Variants in PLXNA4 observed in about 807,000 individuals in gnomAD.
PLXNA4 encodes plexin A4.
In PLXNA4, 44 loss-of-function variants were observed where a neutral mutation model predicts 191.8. That is an observed-to-expected ratio of 0.23 (90% CI 0.18 to 0.29). PLXNA4 has a LOEUF of 0.29. PLXNA4 is among the 10% of genes least tolerant of loss of function. The pLI is 1.00. For missense variants in PLXNA4, 1,800 were observed against 2,488.8 expected (o/e 0.72, Z 5.89); for synonymous variants, 1,082 against 1,009.5 (o/e 1.07, Z -1.36).
rs1798214413 is a variant in PLXNA4, at chr7:132,223,590, C to T, written c.2034G>A (p.Arg678=). 6.2e-7 allele frequency: 1 copy of T among 1,613,830 alleles called. No homozygotes were observed. The highest frequency in any genetic ancestry group is 8.5e-7 in the Non-Finnish European group (1 of 1,179,920). The change falls in exon 9 of 32, where the codon CGG becomes CGA. Residue 678 remains arginine, a synonymous_variant. Coordinates refer to ENST00000321063, the MANE Select transcript of PLXNA4 (RefSeq NM_020911.2). Reference sequence around the variant, plus strand: ...TCTTGGGGTCATGGGTGCAGACATGCCGGTATTTACACCAGTGGCAGCGGT... The same window carrying T: ...TCTTGGGGTCATGGGTGCAGACATGTCGGTATTTACACCAGTGGCAGCGGT... ...SPYRCHWCKY[R]HVCTHDPKTC... is the part of the protein sequence containing the mutation.
At chr7:132,611,880 T>C (rs1200717988) in intron 2 of PLXNA4, among the ~76,000 whole-genome samples, 2 of 152,024 alleles carry the variant, frequency 1.3e-5, no homozygotes, top group Non-Finnish European at 2.9e-5. Flanking sequence ...TTCTTTCCCC[T>C]AAAAAAGGCT....
chr7:132,449,274 T>G (rs560691091), intron 3 of PLXNA4, among the ~76,000 whole-genome samples: 262 of 152,332 alleles, frequency 1.7e-3, no homozygotes, highest in South Asian at 3.1e-3. Flanking sequence ...TCCATGTGCT[T>G]TGGGCTTTTG....
intron 2 of PLXNA4, among the ~76,000 whole-genome samples, chr7:132,645,261 T>C (rs1803844900): frequency 1.3e-5 from 2 of 152,158 alleles, no homozygotes; most frequent in Non-Finnish European, 2.9e-5. Context: ...AATCCTCACA[T>C]ATCGAGGGAG....
At chr7:132,430,805 A>G (rs941037836) in intron 3 of PLXNA4, among the ~76,000 whole-genome samples, 19 of 152,158 alleles carry the variant, frequency 1.2e-4, no homozygotes, top group African/African-American at 4.6e-4. Context: ...TGGCAATGAG[A>G]TTAGGAAAGT....
In PLXNA4 at chr7:132,491,990, T is replaced by G. The variant is rs187266779; in HGVS notation, c.1189-2516A>C. Reference sequence around the variant, plus strand: ...CAAGGGCAGCCTGGGGTGCTAGGGGTCCTCGTGGCCCTTGAATGTTCCTGC... The same window carrying G: ...CAAGGGCAGCCTGGGGTGCTAGGGGGCCTCGTGGCCCTTGAATGTTCCTGC... On this transcript the variant is annotated intron_variant, in intron 2 of 31. Transcript: ENST00000321063. 3.6e-3 allele frequency among the ~76,000 whole-genome samples: 541 copies of G among 152,180 alleles called. 3 individuals carry two copies. Among genetic ancestry groups the G allele is most frequent in the African/African-American group, 0.012 (496 of 41,528 alleles).
intron 1 of PLXNA4, among the ~76,000 whole-genome samples, chr7:132,537,950 A>G (rs1799918287): frequency 6.6e-6 from 1 of 152,204 alleles, no homozygotes; most frequent in Non-Finnish European, 1.5e-5. Context: ...GCAGAGGGGA[A>G]AATCCCCCAG....
chr7:132,399,812 T>C (rs1036141552), intron 3 of PLXNA4, among the ~76,000 whole-genome samples: 4 of 152,202 alleles, frequency 2.6e-5, no homozygotes, highest in African/African-American at 9.6e-5. Flanking sequence ...CCATTTCTGT[T>C]TGGAGTGTGA....
At chr7:132,223,412 A>G in intron 9 of PLXNA4, 115 bp downstream of exon 9, 1 of 827,310 alleles carries the variant, frequency 1.2e-6, no homozygotes, top group Non-Finnish European at 2.0e-6. Context: ...AGCCAGGAAG[A>G]AGGGGGTGGT....
At chr7:132,552,150 C>T (rs73158894) in intron 1 of PLXNA4, among the ~76,000 whole-genome samples, 47 of 152,208 alleles carry the variant, frequency 3.1e-4, no homozygotes, top group South Asian at 6.2e-4. Flanking sequence ...GGAAAGCTCC[C>T]GGTGAGAGTT....
At chr7:132,261,968 G>A (rs1799661296) in intron 4 of PLXNA4, among the ~76,000 whole-genome samples, 1 of 152,122 alleles carries the variant, frequency 6.6e-6, no homozygotes, top group Non-Finnish European at 1.5e-5. Flanking sequence ...TACTTCACCA[G>A]CAGAGGTTGA....
At chr7:132,611,898 G>A (rs1803053258) in intron 2 of PLXNA4, among the ~76,000 whole-genome samples, 1 of 152,180 alleles carries the variant, frequency 6.6e-6, no homozygotes, top group African/African-American at 2.4e-5. Context: ...GCTGGAAGGA[G>A]GGAAAGAGTC....
At chr7:132,182,691 C>T (rs1562904763) in intron 16 of PLXNA4, among the ~76,000 whole-genome samples, 1 of 152,180 alleles carries the variant, frequency 6.6e-6, no homozygotes, top group Admixed American at 6.5e-5. Context: ...ATCTTGGAGG[C>T]TTCGATCAGG....
At position 132,297,826 on chromosome 7, in the gene PLXNA4, C is replaced by A. The variant is rs1378459381; in HGVS notation, c.1503+265G>T. Among the ~76,000 whole-genome samples the A allele has an allele frequency of 2.6e-5, 4 of 152,142 alleles. No homozygotes were observed. In the East Asian group the frequency reaches 5.8e-4, roughly 22 times the overall value. On this transcript the variant is annotated intron_variant, in intron 4 of 31. Coordinates refer to ENST00000321063, the MANE Select transcript of PLXNA4 (RefSeq NM_020911.2). ...TCCTTCAGAAGAAAGCAAATGTTGG[C>A]CCCGAACATATATGCATGATTTTGA...
intron 3 of PLXNA4, among the ~76,000 whole-genome samples, chr7:132,309,732 G>C (rs886354061): frequency 2.0e-5 from 3 of 152,154 alleles, no homozygotes; most frequent in African/African-American, 7.2e-5. Flanking sequence ...TGTCTAGCTG[G>C]AGGCCCAAAG....
At chr7:132,283,218 T>C (rs1800553868) in intron 4 of PLXNA4, among the ~76,000 whole-genome samples, 1 of 152,028 alleles carries the variant, frequency 6.6e-6, no homozygotes, top group Non-Finnish European at 1.5e-5. Flanking sequence ...TATTTGACAA[T>C]AAACAATGGC....
At chr7:132,563,833 C>T (rs1365625714) in intron 1 of PLXNA4, among the ~76,000 whole-genome samples, 10 of 82,646 alleles carry the variant, frequency 1.2e-4, no homozygotes, top group South Asian at 8.9e-4. Context: ...CCTCCTTCTC[C>T]TCCTCCTCCT....
intron 3 of PLXNA4, among the ~76,000 whole-genome samples, chr7:132,351,208 T>C (rs955272390): frequency 2.6e-5 from 4 of 152,180 alleles, no homozygotes; most frequent in Admixed American, 2.6e-4. Flanking sequence ...TAAAATTGAT[T>C]GTGGTGATGG....
At chr7:132,615,325 C>G (rs1442491060) in intron 2 of PLXNA4, among the ~76,000 whole-genome samples, 2 of 152,070 alleles carry the variant, frequency 1.3e-5, no homozygotes, top group East Asian at 1.9e-4. Context: ...GGGAAACTGA[C>G]GCCTGTGCAG....
At chr7:132,340,618 A>G (rs1324421392) in intron 3 of PLXNA4, among the ~76,000 whole-genome samples, 1 of 152,222 alleles carries the variant, frequency 6.6e-6, no homozygotes, top group African/African-American at 2.4e-5. Flanking sequence ...GAGATGGGAA[A>G]GAGCACAAGA....
Sources: gnomAD v4.1 joint callset for allele counts (sites outside exome capture counted in the v4.1 genomes callset) on GRCh38, gnomAD v4.1.1 for gene constraint, MANE v1.5 for transcripts, NCBI Gene and HGNC (gene_info 2026-07-23, HGNC 2026-07-21) for gene names.